Variants in TJP1 observed in about 807,000 individuals in gnomAD.
TJP1 encodes tight junction protein ZO-1.
Under a neutral mutation model 194.2 loss-of-function variants are expected in TJP1, and 43 were observed. That is an observed-to-expected ratio of 0.22 (90% confidence interval 0.17 to 0.29). TJP1 has a LOEUF of 0.29. Among genes scored for constraint, TJP1 ranks in the 10% least tolerant of loss-of-function variants. The probability of loss-of-function intolerance (pLI) is 1.00; values close to 1 mark genes in which losing one functional copy is unlikely to be tolerated. For synonymous variants in TJP1, 801 were observed against 779.0 expected, an observed-to-expected ratio of 1.03 and a Z score of -0.47; for missense variants, 1,971 against 2,185.7, an observed-to-expected ratio of 0.90 and a Z score of 1.96.
chr15:29,808,646 C>A (rs1009364377), intron 1 of TJP1, among the ~76,000 whole-genome samples: 1 of 152,038 alleles, frequency 6.6e-6, no homozygotes, highest in Non-Finnish European at 1.5e-5. Flanking sequence ...GAAACTGGTA[C>A]GTATAGGGAA....
chr15:29,758,436 GA>G (rs914060632), intron 8 of TJP1, among the ~76,000 whole-genome samples: 6 of 152,172 alleles, frequency 3.9e-5, no homozygotes, highest in East Asian at 3.9e-4. Flanking sequence ...TTTTAGGGGG[GA>G]AAAACCCTCC....
At chr15:29,839,267 G>C (rs898497085) in intron 2 of TJP1, among the ~76,000 whole-genome samples, 2 of 151,844 alleles carry the variant, frequency 1.3e-5, no homozygotes, top group Non-Finnish European at 2.9e-5. Flanking sequence ...CAAAGTGCTG[G>C]GATTACAGGT....
At chr15:29,893,307 T>G (rs1043649528) in intron 2 of TJP1, among the ~76,000 whole-genome samples, 1 of 152,210 alleles carries the variant, frequency 6.6e-6, no homozygotes, top group Non-Finnish European at 1.5e-5. Context: ...AATCTACTCC[T>G]GGTAAGACAC....
At chr15:29,729,286 T>TA (rs1475258104) in intron 15 of TJP1, 2 of 152,040 alleles carry the variant, frequency 1.3e-5, no homozygotes, top group Non-Finnish European at 2.9e-5. Context: ...GGCAACACAG[T>TA]AAGACCTTGT....
At chr15:29,964,567 G>A (rs1249687555) in intron 1 of TJP1, among the ~76,000 whole-genome samples, 1 of 152,092 alleles carries the variant, frequency 6.6e-6, no homozygotes, top group African/African-American at 2.4e-5. Context: ...GTGTGACCCT[G>A]CCAACACCTT....
chr15:29,717,917 A>G, intron 22 of TJP1, 104 bp downstream of exon 22: 2 of 930,584 alleles, frequency 2.1e-6, no homozygotes, highest in Admixed American at 2.4e-5. Context: ...AACTCCTCCT[A>G]TTCACACCTC....
chr15:29,730,562 A>G (rs1324488290), intron 15 of TJP1, among the ~76,000 whole-genome samples: 4 of 150,686 alleles, frequency 2.7e-5, no homozygotes, highest in Non-Finnish European at 5.9e-5. Context: ...TAACCACTGC[A>G]CTCCTGCCTG....
chr15:29,751,821 G>A (rs2045300546), intron 8 of TJP1, among the ~76,000 whole-genome samples: 1 of 152,162 alleles, frequency 6.6e-6, no homozygotes, highest in Non-Finnish European at 1.5e-5. Context: ...TTAGACAAGT[G>A]GAGCAGTTTG....
intron 2 of TJP1, among the ~76,000 whole-genome samples, chr15:29,883,098 T>C (rs2052995764): frequency 6.6e-6 from 1 of 152,238 alleles, no homozygotes; most frequent in Middle Eastern, 3.2e-3. Context: ...GAACCTTTAA[T>C]AATCTTCCCA....
Position 29,727,946 on chromosome 15 carries a change from G to C in TJP1, c.2091C>G (p.Ile697Met), listed in dbSNP as rs1373495765. The change falls in exon 16 of 28, where the codon ATC (isoleucine) becomes ATG (methionine). Residue 697 changes from isoleucine to methionine, a missense_variant. Ile to Met is a conservative substitution (Grantham distance 10, BLOSUM62 1). Transcript: ENST00000614355. The stretch of plus-strand genomic sequence containing the variant: ...AGTTTTAATAACTTACTTGATCTAT[G>C]ATTTGCTTTATTGTATGCAGGCGAA... The part of the protein sequence containing the change: ...GIIRLHTIKQ[I>M]IDQDKHALLD... The C allele has an allele frequency of 6.2e-7, 1 of 1,613,698 alleles. No homozygotes were observed. The highest frequency in any genetic ancestry group is 1.1e-5 in the South Asian group (1 of 91,028).
At chr15:29,802,084 T>C (rs1282840548) in intron 1 of TJP1, among the ~76,000 whole-genome samples, 1 of 152,324 alleles carries the variant, frequency 6.6e-6, no homozygotes, top group African/African-American at 2.4e-5. Flanking sequence ...TCTCTCTTAA[T>C]GTTACCATTT....
chr15:29,928,726 G>A (rs1191625578), intron 2 of TJP1, among the ~76,000 whole-genome samples: 3 of 152,050 alleles, frequency 2.0e-5, no homozygotes, highest in African/African-American at 4.8e-5. Flanking sequence ...GGCAGATCAC[G>A]AGGTCAGGAG....
intron 10 of TJP1, among the ~76,000 whole-genome samples, chr15:29,738,594 T>C (rs964564841): frequency 2.0e-5 from 3 of 152,124 alleles, no homozygotes; most frequent in African/African-American, 7.2e-5. Flanking sequence ...TCCATGAAAC[T>C]ATTTACCAGC....
At chr15:29,853,847 T>C (rs917991369) in intron 2 of TJP1, among the ~76,000 whole-genome samples, 3 of 152,204 alleles carry the variant, frequency 2.0e-5, no homozygotes, top group Admixed American at 6.5e-5. Flanking sequence ...TTATTGAGAA[T>C]GACTTGCACA....
At chr15:29,812,210 T>G (rs2049571368) in intron 1 of TJP1, among the ~76,000 whole-genome samples, 1 of 152,244 alleles carries the variant, frequency 6.6e-6, no homozygotes. Context: ...GTCCTTATTT[T>G]ACTTGACCTC....
At chr15:29,772,423 AT>A (rs1433508796) in intron 3 of TJP1, among the ~76,000 whole-genome samples, 14 of 152,236 alleles carry the variant, frequency 9.2e-5, no homozygotes, top group Admixed American at 6.5e-4. Context: ...GACTGAACAG[AT>A]ATCACATACA....
At chr15:29,735,882 A>T (rs1459141718) in intron 11 of TJP1, among the ~76,000 whole-genome samples, 1 of 152,182 alleles carries the variant, frequency 6.6e-6, no homozygotes, top group African/African-American at 2.4e-5. Flanking sequence ...TTCAATGAGA[A>T]AATGACAGAG....
At chr15:29,724,509 A>C (rs901703298) in intron 18 of TJP1, among the ~76,000 whole-genome samples, 12 of 152,358 alleles carry the variant, frequency 7.9e-5, no homozygotes, top group Admixed American at 5.9e-4. Flanking sequence ...GCTGGTTTGA[A>C]ATGCAGATGT....
chr15:29,797,385 A>G (rs967073486), intron 2 of TJP1, among the ~76,000 whole-genome samples: 5 of 152,176 alleles, frequency 3.3e-5, no homozygotes, highest in Admixed American at 2.0e-4. Context: ...CCTGGCCTCA[A>G]GTAATTTGTC....
Sources: gnomAD v4.1 joint callset for allele counts (sites outside exome capture counted in the v4.1 genomes callset) on GRCh38, gnomAD v4.1.1 for gene constraint, MANE v1.5 for transcripts, NCBI Gene and HGNC (gene_info 2026-07-23, HGNC 2026-07-21) for gene names.